Variants in MCTP1 observed in about 807,000 individuals in gnomAD.
MCTP1 encodes the protein multiple C2 and transmembrane domain containing 1.
A neutral mutation model predicts 120.6 loss-of-function variants in MCTP1; 69 were observed. The observed-to-expected ratio is 0.57, with a 90% CI of 0.47 to 0.70. MCTP1 has a LOEUF of 0.70. Ranked by LOEUF, MCTP1 falls within the 30% of genes least tolerant of loss-of-function variation. The pLI is 0.00. For synonymous variants in MCTP1, 529 were observed against 493.1 expected, an observed-to-expected ratio of 1.07 and a Z score of -0.96; for missense variants, 1,203 against 1,248.8, an observed-to-expected ratio of 0.96 and a Z score of 0.55.
chr5:95,246,949 T>G (rs1276512539), intron 1 of MCTP1, among the ~76,000 whole-genome samples: 1 of 152,192 alleles, frequency 6.6e-6, no homozygotes, highest in Non-Finnish European at 1.5e-5. Flanking sequence ...TTGATTGAAA[T>G]AGTTTCAGAA....
intron 2 of MCTP1, among the ~76,000 whole-genome samples, chr5:94,953,870 CAA>C (rs1821384946): frequency 1.1e-5 from 1 of 94,448 alleles, no homozygotes; most frequent in Admixed American, 1.3e-4. Flanking sequence ...CATATATATA[CAA>C]ATATATATGC....
intron 17 of MCTP1, among the ~76,000 whole-genome samples, chr5:94,838,747 A>C (rs983994114): frequency 6.6e-6 from 1 of 152,188 alleles, no homozygotes; most frequent in African/African-American, 2.4e-5. Flanking sequence ...TATTAAATGC[A>C]TGGTTGTCCT....
chr5:94,882,496 A>G (rs1325400201), intron 12 of MCTP1, among the ~76,000 whole-genome samples: 1 of 151,936 alleles, frequency 6.6e-6, no homozygotes, highest in Non-Finnish European at 1.5e-5. Context: ...TTGTTCTAGA[A>G]AATACATCAC....
intron 10 of MCTP1, among the ~76,000 whole-genome samples, chr5:94,895,301 C>T (rs1039090768): frequency 6.6e-6 from 1 of 152,174 alleles, no homozygotes; most frequent in Admixed American, 6.5e-5. Context: ...TGATGCCATA[C>T]ATTTTACATT....
chr5:94,753,083 C>T (rs959661318), intron 19 of MCTP1, among the ~76,000 whole-genome samples: 4 of 152,210 alleles, frequency 2.6e-5, no homozygotes, highest in Non-Finnish European at 4.4e-5. Context: ...AGGATGAACT[C>T]TCAGGTCCTA....
intron 17 of MCTP1, among the ~76,000 whole-genome samples, chr5:94,852,012 G>A (rs1320505499): frequency 1.3e-5 from 2 of 151,750 alleles, no homozygotes; most frequent in African/African-American, 4.8e-5. Flanking sequence ...TTTTAATTAA[G>A]GAGGTGATCT....
intron 17 of MCTP1, among the ~76,000 whole-genome samples, chr5:94,849,285 G>A (rs1726509998): frequency 6.6e-6 from 1 of 151,902 alleles, no homozygotes; most frequent in African/African-American, 2.4e-5. Flanking sequence ...TTTTTCATAG[G>A]TACTTTATTA....
intron 17 of MCTP1, among the ~76,000 whole-genome samples, chr5:94,851,776 A>G (rs980553646): frequency 1.3e-5 from 2 of 151,994 alleles, no homozygotes; most frequent in Non-Finnish European, 1.5e-5. Flanking sequence ...ACAACTGTAC[A>G]TTGTTCAGCA....
intron 8 of MCTP1, among the ~76,000 whole-genome samples, chr5:94,917,510 G>C (rs1383676859): frequency 6.6e-6 from 1 of 152,146 alleles, no homozygotes; most frequent in Non-Finnish European, 1.5e-5. Context: ...AGTTCTTATG[G>C]AGTAGAGCTG....
chr5:94,871,032 C>A, intron 14 of MCTP1, 59 bp from the exon 15 acceptor site: 1 of 1,369,418 alleles, frequency 7.3e-7, no homozygotes. Context: ...TACACTCCCT[C>A]AGTGACCTTT....
chr5:95,077,220 C>G (rs1018058133), intron 1 of MCTP1, among the ~76,000 whole-genome samples: 8 of 152,054 alleles, frequency 5.3e-5, no homozygotes, highest in African/African-American at 1.7e-4. Context: ...GAGTACCTTT[C>G]TTTTTTGATA....
chr5:94,791,215 T>C (rs1207496073), intron 18 of MCTP1, among the ~76,000 whole-genome samples: 1 of 151,700 alleles, frequency 6.6e-6, no homozygotes, highest in African/African-American at 2.4e-5. Context: ...GGAGAATCAC[T>C]TGAACCTGGG....
At chr5:94,958,248 C>T (rs1249451259) in intron 2 of MCTP1, among the ~76,000 whole-genome samples, 1 of 152,094 alleles carries the variant, frequency 6.6e-6, no homozygotes, top group Non-Finnish European at 1.5e-5. Flanking sequence ...ATACCAGAAC[C>T]TTTGGGACAC....
chr5:95,147,299 G>C (rs907184819), intron 1 of MCTP1, among the ~76,000 whole-genome samples: 2 of 152,096 alleles, frequency 1.3e-5, no homozygotes, highest in Admixed American at 1.3e-4. Context: ...TGCTAGCCAG[G>C]ATGGTCTCGA....
At chr5:94,936,686 A>G (rs796899615) in intron 5 of MCTP1, among the ~76,000 whole-genome samples, 10 of 152,240 alleles carry the variant, frequency 6.6e-5, no homozygotes, top group African/African-American at 2.4e-4. Context: ...GTTGGTAAAT[A>G]TAAGAACCAG....
intron 1 of MCTP1, among the ~76,000 whole-genome samples, chr5:95,018,003 C>A (rs964838076): frequency 1.3e-5 from 2 of 151,982 alleles, no homozygotes; most frequent in African/African-American, 2.4e-5. Flanking sequence ...AATAAATTCA[C>A]CTAGCATTTT....
intron 19 of MCTP1, among the ~76,000 whole-genome samples, chr5:94,752,692 T>A (rs746565558): frequency 2.8e-4 from 43 of 152,022 alleles, no homozygotes; most frequent in Non-Finnish European, 5.9e-4. Context: ...TTCATAGACA[T>A]AAAAAGCACA....
intron 1 of MCTP1, among the ~76,000 whole-genome samples, chr5:95,103,668 C>T (rs1328713256): frequency 6.6e-6 from 1 of 152,172 alleles, no homozygotes; most frequent in Non-Finnish European, 1.5e-5. Flanking sequence ...ACCTACTGCA[C>T]TTTATTCAAC....
At chr5:94,770,309 C>T (rs566179656) in intron 19 of MCTP1, among the ~76,000 whole-genome samples, 1 of 152,222 alleles carries the variant, frequency 6.6e-6, no homozygotes, top group Non-Finnish European at 1.5e-5. Context: ...GGCTGACACA[C>T]TGCTATTTCG....
Sources: gnomAD v4.1 joint callset for allele counts (sites outside exome capture counted in the v4.1 genomes callset) on GRCh38, gnomAD v4.1.1 for gene constraint, MANE v1.5 for transcripts, NCBI Gene and HGNC (gene_info 2026-07-23, HGNC 2026-07-21) for gene names.